The following KIAA1217 variants were observed in gnomAD, a reference collection of about 807,000 sequenced individuals.
KIAA1217 encodes the protein sickle tail protein homolog.
A neutral mutation model predicts 163.9 loss-of-function variants in KIAA1217; 88 were observed. The ratio of observed to expected loss-of-function variants is 0.54; its 90% CI spans 0.45 to 0.64. The LOEUF is 0.64. Among genes scored for constraint, KIAA1217 ranks in the 30% least tolerant of loss-of-function variants. The pLI is 0.00. For synonymous variants in KIAA1217, 903 were observed against 923.1 expected (o/e 0.98, Z 0.39); for missense variants, 2,372 against 2,475.0 (o/e 0.96, Z 0.88).
rs1239264045 is a variant in KIAA1217, at chr10:24,088,697, G to A, written c.-171+81323G>A. Among the ~76,000 whole-genome samples, 2 of 123,756 alleles carry A rather than the reference G, an allele frequency of 1.6e-5. 1 individual carries two copies. Among genetic ancestry groups the A allele is most frequent in the Non-Finnish European group, 4.0e-5 (2 of 50,164 alleles). 81.2% of individuals were successfully genotyped at this position (123,756 alleles called of 152,430 possible). A position where few individuals can be genotyped will look rare whatever the true frequency, so the allele number is the denominator to read the frequency against. The stretch of plus-strand genomic sequence containing the variant: ...CATTTTCTTAATCCAGTCTATCATT[G>A]TTGGACATTTGGGTTGGTTCCAAGT... On this transcript the variant is annotated intron_variant, in intron 2 of 18. Coordinates refer to the KIAA1217 transcript ENST00000376462.
intron 1 of KIAA1217, among the ~76,000 whole-genome samples, chr10:23,970,922 G>A (rs1396008911): frequency 6.6e-6 from 1 of 152,176 alleles, no homozygotes; most frequent in African/African-American, 2.4e-5. Context: ...GGCAGAGTGA[G>A]GAGACCAAGG....
chr10:23,923,090 C>T (rs900142215), intron 1 of KIAA1217, among the ~76,000 whole-genome samples: 4 of 152,032 alleles, frequency 2.6e-5, no homozygotes, highest in Non-Finnish European at 5.9e-5. Flanking sequence ...TATCCTTCAC[C>T]CCACTCCCAG....
At chr10:23,901,285 A>G (rs980784322) in intron 1 of KIAA1217, among the ~76,000 whole-genome samples, 3 of 152,124 alleles carry the variant, frequency 2.0e-5, no homozygotes, top group African/African-American at 7.2e-5. Context: ...AGGAAGTTCA[A>G]TGTCAGCATC....
Position 23,767,393 on chromosome 10 carries a change from C to A in KIAA1217, c.-321+72159C>A, listed in dbSNP as rs539567344. On this transcript the variant is annotated intron_variant, in intron 1 of 18. Transcript: ENST00000376462. The stretch of plus-strand genomic sequence containing the variant: ...TGCTGAGGCTCTTGGTTGCAATATT[C>A]CAGATGAGAAATTCTGGAGTCCCAA... Among the ~76,000 whole-genome samples the A allele has an allele frequency of 4.6e-5, 7 of 152,152 alleles. No individual in the cohort carries two copies. The East Asian group carries it at 1.4e-3, about 29-fold the overall frequency.
At chr10:24,021,751 A>G (rs958817350) in intron 2 of KIAA1217, among the ~76,000 whole-genome samples, 2 of 151,870 alleles carry the variant, frequency 1.3e-5, no homozygotes, top group Admixed American at 6.6e-5. Flanking sequence ...GTAAAAGAAT[A>G]GATAAATAGA....
At chr10:23,813,629 C>A (rs1455344621) in intron 1 of KIAA1217, among the ~76,000 whole-genome samples, 1 of 151,866 alleles carries the variant, frequency 6.6e-6, no homozygotes, top group African/African-American at 2.4e-5. Context: ...TTTTTATATT[C>A]TTGCACACTT....
intron 2 of KIAA1217, among the ~76,000 whole-genome samples, chr10:24,143,767 TC>T (rs1387008891): frequency 6.8e-6 from 1 of 147,700 alleles, no homozygotes; most frequent in African/African-American, 2.5e-5. Flanking sequence ...ATATCTGGCC[TC>T]CCCCTAGGCT....
rs547759199 is a variant in KIAA1217 at position 23,704,073 on chromosome 10, A to G, written c.-321+8839A>G. ...TATATACAATATACTATATATATAT[A>G]CACAATATATATGTGTGTATGTACT... On this transcript the variant is annotated intron_variant, in intron 1 of 18. Transcript: ENST00000376462. 8.8e-4 allele frequency among the ~76,000 whole-genome samples: 130 copies of G among 147,138 alleles called. 1 individual carries two copies. Among genetic ancestry groups the G allele is most frequent in the African/African-American group, 3.1e-3 (123 of 40,064 alleles).
intron 2 of KIAA1217, among the ~76,000 whole-genome samples, chr10:24,359,919 A>G (rs967597328): frequency 6.6e-6 from 1 of 152,068 alleles, no homozygotes; most frequent in Non-Finnish European, 1.5e-5. Flanking sequence ...AACAGTTAGA[A>G]AAGGAATTAT....
chr10:24,400,751 A>G (rs1013665455), intron 3 of KIAA1217, among the ~76,000 whole-genome samples: 1 of 152,106 alleles, frequency 6.6e-6, no homozygotes, highest in Non-Finnish European at 1.5e-5. Flanking sequence ...AAATCTCACA[A>G]TCTGAGGAGA....
intron 2 of KIAA1217, among the ~76,000 whole-genome samples, chr10:24,335,981 C>T (rs1019239552): frequency 6.6e-6 from 1 of 152,252 alleles, no homozygotes; most frequent in Admixed American, 6.5e-5. Flanking sequence ...TGGCTCACGC[C>T]TGTAATCCCA....
chr10:24,545,468 T>C (rs1306397144), intron 20 of KIAA1217: 4 of 1,279,426 alleles, frequency 3.1e-6, no homozygotes, highest in Non-Finnish European at 4.0e-6. Context: ...CTAACGTCTA[T>C]GTTGACTGTA....
intron 2 of KIAA1217, among the ~76,000 whole-genome samples, chr10:24,332,370 A>G (rs1364889946): frequency 6.6e-6 from 1 of 152,210 alleles, no homozygotes; most frequent in East Asian, 1.9e-4. Flanking sequence ...TGTCATTTGT[A>G]TGTAACAGGA....
At chr10:23,806,036 A>C (rs1355236483) in intron 1 of KIAA1217, among the ~76,000 whole-genome samples, 1 of 151,206 alleles carries the variant, frequency 6.6e-6, no homozygotes, top group East Asian at 1.9e-4. Context: ...AAAAGAAAGA[A>C]AAAGAGAAAA....
intron 1 of KIAA1217, among the ~76,000 whole-genome samples, chr10:23,901,578 G>C (rs919912963): frequency 3.3e-5 from 5 of 152,020 alleles, no homozygotes; most frequent in African/African-American, 1.2e-4. Context: ...ATGGAATCTT[G>C]TTTTTCTAAT....
chr10:24,050,828 C>CT lies in KIAA1217; in HGVS notation c.-171+43461dup, dbSNP rs1849448624. 1.3e-5 allele frequency among the ~76,000 whole-genome samples: 2 copies of CT among 152,130 alleles called. 1 individual carries two copies. The highest frequency in any genetic ancestry group is 4.1e-4 in the South Asian group (2 of 4,824). Reference sequence around the variant, plus strand: ...TGAATCAATGTCTTCTAACTCAATGCTTTTTTTCCTTCTGTGTATCCTTAG... The same window carrying CT: ...TGAATCAATGTCTTCTAACTCAATGCTTTTTTTTCCTTCTGTGTATCCTTAG... On this transcript the variant is annotated intron_variant, in intron 2 of 18. Coordinates refer to the KIAA1217 transcript ENST00000376462.
At chr10:24,415,216 G>A (rs551244901) in intron 3 of KIAA1217, among the ~76,000 whole-genome samples, 2 of 150,202 alleles carry the variant, frequency 1.3e-5, no homozygotes, top group Non-Finnish European at 2.9e-5. Flanking sequence ...CCAGGTTCAA[G>A]CGATTCTCCT....
intron 9 of KIAA1217, among the ~76,000 whole-genome samples, chr10:24,512,201 A>C (rs1023732657): frequency 2.6e-5 from 4 of 152,132 alleles, no homozygotes; most frequent in Non-Finnish European, 5.9e-5. Flanking sequence ...GTCAGATTGC[A>C]TTTCCCCTCA....
chr10:24,489,256 T>C (rs1363576084), intron 6 of KIAA1217, among the ~76,000 whole-genome samples: 1 of 151,324 alleles, frequency 6.6e-6, no homozygotes, highest in African/African-American at 2.4e-5. Context: ...AAAAAAAAGT[T>C]CTATAAATGG....
Sources: allele counts gnomAD v4.1 joint callset (sites outside exome capture counted in the v4.1 genomes callset), GRCh38; gene constraint gnomAD v4.1.1; transcripts MANE v1.5; gene names NCBI Gene and HGNC (gene_info 2026-07-23, HGNC 2026-07-21).